Variants in MRTFA observed in about 807,000 individuals in gnomAD.
MRTFA encodes the protein myocardin-related transcription factor A.
MRTFA carries 20 observed loss-of-function variants against 83.5 expected under a neutral mutation model. The observed-to-expected ratio is 0.24, with a 90% CI of 0.17 to 0.35. The LOEUF (loss-of-function observed/expected upper bound fraction) is 0.35, where lower values mean the gene tolerates loss of function less well. MRTFA is among the 10% of genes least tolerant of loss of function. MRTFA has a pLI of 1.00. For missense variants in MRTFA, 1,200 were observed against 1,224.7 expected, an observed-to-expected ratio of 0.98 and a Z score of 0.30; for synonymous variants, 659 against 541.2, an observed-to-expected ratio of 1.22 and a Z score of -3.02.
At chr22:40,468,470 C>T (rs559004016) in intron 3 of MRTFA, among the ~76,000 whole-genome samples, 1 of 152,304 alleles carries the variant, frequency 6.6e-6, no homozygotes, top group South Asian at 2.1e-4. Context: ...ACCCCTCCCT[C>T]CACATAATCT....
intron 3 of MRTFA, among the ~76,000 whole-genome samples, chr22:40,487,516 C>A (rs893666639): frequency 1.3e-5 from 2 of 152,068 alleles, no homozygotes; most frequent in Non-Finnish European, 2.9e-5. Flanking sequence ...GACTACCAGA[C>A]CACTACTGGG....
intron 1 of MRTFA, among the ~76,000 whole-genome samples, chr22:40,633,670 TATAA>T (rs2056664414): frequency 6.6e-6 from 1 of 152,126 alleles, no homozygotes; most frequent in Non-Finnish European, 1.5e-5. Flanking sequence ...GTATAAAATA[TATAA>T]ATAAAGATAG....
intron 4 of MRTFA, among the ~76,000 whole-genome samples, chr22:40,456,822 G>A (rs765650072): frequency 8.6e-5 from 13 of 151,876 alleles, no homozygotes; most frequent in Non-Finnish European, 1.8e-4. Flanking sequence ...GATTTCTTTT[G>A]TCATCTCTGC....
At chr22:40,455,723 C>A (rs1055119253) in intron 4 of MRTFA, among the ~76,000 whole-genome samples, 1 of 149,460 alleles carries the variant, frequency 6.7e-6, no homozygotes, top group Non-Finnish European at 1.5e-5. Flanking sequence ...GACAGGGTGT[C>A]GGGGTGGCAG....
intron 2 of MRTFA, among the ~76,000 whole-genome samples, chr22:40,581,797 G>T (rs765733173): frequency 6.6e-6 from 1 of 152,074 alleles, no homozygotes; most frequent in Admixed American, 6.6e-5. Flanking sequence ...TGATGATACG[G>T]AGTATCTTTA....
chr22:40,415,866 A>C (rs59898319), intron 14 of MRTFA, among the ~76,000 whole-genome samples: 5,731 of 151,752 alleles, frequency 0.038, 357 homozygotes, highest in African/African-American at 0.13. Flanking sequence ...TCACGGCTGG[A>C]TTCCAGGACA....
At chr22:40,620,000 C>T (rs190841591) in intron 1 of MRTFA, among the ~76,000 whole-genome samples, 104 of 151,836 alleles carry the variant, frequency 6.8e-4, no homozygotes, top group African/African-American at 2.0e-3. Context: ...CACTGTCTCC[C>T]AGGCTGGAGT....
At chr22:40,423,764 T>A in intron 8 of MRTFA, 79 bp from the exon 9 acceptor site, 1 of 1,303,610 alleles carries the variant, frequency 7.7e-7, no homozygotes, top group Non-Finnish European at 1.0e-6. Flanking sequence ...CTACACAGGG[T>A]CCTCAGACGC....
At chr22:40,574,072 G>A (rs1337759974) in intron 2 of MRTFA, among the ~76,000 whole-genome samples, 4 of 152,110 alleles carry the variant, frequency 2.6e-5, no homozygotes, top group African/African-American at 9.7e-5. Flanking sequence ...ACATTTGTAA[G>A]TTAAACTATT....
chr22:40,535,130 T>C (rs1315360790), intron 3 of MRTFA, among the ~76,000 whole-genome samples: 2 of 152,112 alleles, frequency 1.3e-5, no homozygotes, highest in African/African-American at 2.4e-5. Context: ...GTGGGCTAAA[T>C]GCTGCTCTGG....
At position 40,492,421 on chromosome 22, in the gene MRTFA, A is replaced by G. The variant is rs370325661; in HGVS notation, c.242-29135T>C. On this transcript the variant is annotated intron_variant, in intron 3 of 14. Transcript: ENST00000355630. The stretch of plus-strand genomic sequence containing the variant: ...ACAGACACCTCCCTCTTCTATCCAA[A>G]TGCCAAAAAGCAGAACTGAGATGAT... 3.3e-5 allele frequency among the ~76,000 whole-genome samples: 5 copies of G among 152,204 alleles called. No homozygotes were observed. The South Asian group carries it at 1.0e-3, about 32-fold the overall frequency.
intron 3 of MRTFA, chr22:40,519,607 A>G: frequency 7.6e-7 from 1 of 1,321,706 alleles, no homozygotes; most frequent in South Asian, 1.3e-5. Flanking sequence ...AATTTGAGAC[A>G]TTTTTCTGTT....
chr22:40,474,692 C>T (rs1195463980), intron 3 of MRTFA, among the ~76,000 whole-genome samples: 1 of 152,164 alleles, frequency 6.6e-6, no homozygotes, highest in Non-Finnish European at 1.5e-5. Context: ...GACTGAAGGC[C>T]CCACCTTCAG....
intron 5 of MRTFA, among the ~76,000 whole-genome samples, chr22:40,434,198 G>A (rs1309657509): frequency 6.6e-6 from 1 of 152,132 alleles, no homozygotes; most frequent in Admixed American, 6.5e-5. Context: ...CCAGTCTTCT[G>A]ACCGAATAGG....
At chr22:40,443,384 A>T (rs1047634758) in intron 4 of MRTFA, among the ~76,000 whole-genome samples, 6 of 152,194 alleles carry the variant, frequency 3.9e-5, no homozygotes, top group Non-Finnish European at 7.3e-5. Flanking sequence ...TTCTATATGA[A>T]ACAAGCAAAA....
intron 4 of MRTFA, among the ~76,000 whole-genome samples, chr22:40,447,165 G>A (rs933920251): frequency 6.6e-6 from 1 of 151,794 alleles, no homozygotes; most frequent in East Asian, 1.9e-4. Context: ...AGACCAGCCT[G>A]GGCAATATAG....
intron 1 of MRTFA, among the ~76,000 whole-genome samples, chr22:40,606,560 T>C (rs936664239): frequency 6.6e-6 from 1 of 152,206 alleles, no homozygotes; most frequent in African/African-American, 2.4e-5. Flanking sequence ...TGCTTTCCAT[T>C]AGACAAATGT....
chr22:40,527,227 CAT>C (rs551590007), intron 3 of MRTFA, among the ~76,000 whole-genome samples: 68 of 152,162 alleles, frequency 4.5e-4, no homozygotes, highest in African/African-American at 1.3e-3. Context: ...GTAGTTGTCA[CAT>C]AGTCCTCTTT....
intron 1 of MRTFA, among the ~76,000 whole-genome samples, chr22:40,615,144 A>C (rs1262338559): frequency 2.0e-5 from 3 of 152,200 alleles, no homozygotes; most frequent in Admixed American, 6.5e-5. Flanking sequence ...TAGGTCTACA[A>C]ACCATTTCAA....
Sources: gnomAD v4.1 joint callset for allele counts (sites outside exome capture counted in the v4.1 genomes callset) on GRCh38, gnomAD v4.1.1 for gene constraint, MANE v1.5 for transcripts, NCBI Gene and HGNC (gene_info 2026-07-23, HGNC 2026-07-21) for gene names.